The following C14orf39 variants were observed in gnomAD, a reference collection of about 807,000 sequenced individuals.
The protein encoded by C14orf39 is protein SIX6OS1.
Under a neutral mutation model 85.6 loss-of-function variants are expected in C14orf39, and 66 were observed. The ratio of observed to expected loss-of-function variants is 0.77; its 90% CI spans 0.63 to 0.95. C14orf39 has a LOEUF of 0.95. Among genes scored for constraint, C14orf39 ranks in the 40% least tolerant of loss-of-function variants. The pLI, the probability that C14orf39 is intolerant of heterozygous loss-of-function variation, is 0.00. For synonymous variants in C14orf39, 242 were observed against 214.0 expected, an observed-to-expected ratio of 1.13 and a Z score of -1.14; for missense variants, 735 against 663.9, an observed-to-expected ratio of 1.11 and a Z score of -1.18.
rs201931418 is a variant in C14orf39, at chr14:60,453,287, CT to C, written c.1503+1713del. Among the ~76,000 whole-genome samples, 189 of 152,042 alleles carry C rather than the reference CT, an allele frequency of 1.2e-3. 2 individuals carry two copies. In the East Asian group the frequency reaches 0.02, roughly 16 times the overall value. On this transcript the variant is annotated intron_variant, in intron 16 of 17. Transcript: ENST00000321731. The stretch of plus-strand genomic sequence containing the variant: ...CTGTTATATCTTCCTTATGAATTGA[CT>C]TTTTTATCTTTATGAAACGTCCCTC...
intron 14 of C14orf39, among the ~76,000 whole-genome samples, chr14:60,457,493 CATTG>C (rs1891333974): frequency 6.6e-6 from 1 of 151,960 alleles, no homozygotes; most frequent in Admixed American, 6.6e-5. Context: ...ATCTTGCTCT[CATTG>C]ATTAATTACA....
chr14:60,496,021 T>C (rs535386292), intron 2 of C14orf39: 57 of 591,190 alleles, frequency 9.6e-5, no homozygotes, highest in South Asian at 8.1e-4. Flanking sequence ...GAGCTAGTTG[T>C]GAAAGGGATT....
intron 1 of C14orf39, among the ~76,000 whole-genome samples, chr14:60,506,497 C>G (rs929054743): frequency 2.8e-4 from 43 of 152,320 alleles, no homozygotes; most frequent in African/African-American, 8.7e-4. Context: ...TGGAGCTTCC[C>G]TCTTTCCCAG....
intron 16 of C14orf39, 110 bp downstream of exon 16, chr14:60,454,891 A>T: frequency 1.2e-6 from 1 of 833,546 alleles, no homozygotes; most frequent in Non-Finnish European, 1.7e-6. Context: ...ATTTTTTTAA[A>T]TGCTTCTGTT....
rs537664975 is a variant in C14orf39 at position 60,441,873 on chromosome 14, C to T, written c.1561+201G>A. Among the ~76,000 whole-genome samples the T allele has an allele frequency of 3.3e-5, 5 of 151,878 alleles. No homozygotes were observed. In the South Asian group the frequency reaches 1.0e-3, roughly 32 times the overall value. Reference sequence around the variant, plus strand: ...GTTTGATAATTGGGAGGTCAATAACCTTGGAGAAAGTAAGTTTTAATAGAG... The same window carrying T: ...GTTTGATAATTGGGAGGTCAATAACTTTGGAGAAAGTAAGTTTTAATAGAG... On this transcript the variant is annotated intron_variant, in intron 17 of 17. Transcript: ENST00000321731.
intron 2 of C14orf39, among the ~76,000 whole-genome samples, chr14:60,493,024 G>C (rs982292512): frequency 2.0e-5 from 3 of 152,062 alleles, no homozygotes; most frequent in Non-Finnish European, 4.4e-5. Context: ...GTAGGCACTG[G>C]CAAACTGAAT....
intron 4 of C14orf39, among the ~76,000 whole-genome samples, chr14:60,481,009 G>C (rs1892612815): frequency 6.6e-6 from 1 of 152,124 alleles, no homozygotes; most frequent in South Asian, 2.1e-4. Context: ...CAAAGTTTAA[G>C]TTGGAGTGGA....
chr14:60,476,982 G>A (rs1892408186), intron 5 of C14orf39, among the ~76,000 whole-genome samples: 2 of 152,142 alleles, frequency 1.3e-5, no homozygotes, highest in Admixed American at 6.5e-5. Flanking sequence ...GGGATACATA[G>A]TATGAATTTC....
intron 1 of C14orf39, among the ~76,000 whole-genome samples, chr14:60,510,623 T>A (rs1468500161): frequency 6.6e-6 from 1 of 152,128 alleles, no homozygotes; most frequent in African/African-American, 2.4e-5. Flanking sequence ...ACAATCCTTT[T>A]TGCCTTTAGG....
intron 1 of C14orf39, among the ~76,000 whole-genome samples, chr14:60,501,939 C>T (rs1052747534): frequency 2.6e-5 from 4 of 152,160 alleles, no homozygotes; most frequent in African/African-American, 9.7e-5. Flanking sequence ...AACAGTCATT[C>T]ATAATCTCAT....
intron 1 of C14orf39, chr14:60,510,056 C>G (rs150617736): frequency 9.1e-6 from 11 of 1,202,754 alleles, no homozygotes; most frequent in African/African-American, 3.0e-5. Context: ...CAGTCCCTGG[C>G]GACTCCAATT....
chr14:60,496,107 G>A, intron 2 of C14orf39: 1 of 592,796 alleles, frequency 1.7e-6, no homozygotes, highest in Non-Finnish European at 3.1e-6. Flanking sequence ...ACTGAGCAAA[G>A]CCACAGCTGC....
intron 17 of C14orf39, among the ~76,000 whole-genome samples, chr14:60,439,349 T>C (rs1890400838): frequency 6.6e-6 from 1 of 152,044 alleles, no homozygotes; most frequent in African/African-American, 2.4e-5. Context: ...ATAGGTAAGC[T>C]GAAAAATGGA....
intron 5 of C14orf39, among the ~76,000 whole-genome samples, chr14:60,478,007 G>A (rs1892464776): frequency 2.0e-5 from 3 of 151,738 alleles, no homozygotes; most frequent in South Asian, 4.2e-4. Context: ...GTGAAACCCC[G>A]TCTCTACTAA....
chr14:60,479,452 T>G (rs561164334), intron 4 of C14orf39, among the ~76,000 whole-genome samples: 15 of 152,314 alleles, frequency 9.8e-5, no homozygotes, highest in Non-Finnish European at 1.8e-4. Context: ...TCTCGCTACC[T>G]GGGTGATGGG....
intron 16 of C14orf39, among the ~76,000 whole-genome samples, chr14:60,442,682 C>T (rs1890577118): frequency 6.6e-6 from 1 of 152,118 alleles, no homozygotes; most frequent in Non-Finnish European, 1.5e-5. Flanking sequence ...ATAGACAAAC[C>T]AGACAGTTTC....
intron 16 of C14orf39, among the ~76,000 whole-genome samples, chr14:60,444,101 C>A (rs2140027482): frequency 6.6e-6 from 1 of 152,258 alleles, no homozygotes; most frequent in Non-Finnish European, 1.5e-5. Context: ...GAAACCAGAG[C>A]AGAAAAGCTG....
intron 15 of C14orf39, among the ~76,000 whole-genome samples, chr14:60,455,377 G>C (rs935897245): frequency 6.6e-6 from 1 of 151,956 alleles, no homozygotes; most frequent in Non-Finnish European, 1.5e-5. Context: ...CTATGAAATA[G>C]GTACTATTAC....
At chr14:60,455,183 TTATTA>T (rs1451922169) in intron 15 of C14orf39, 38 bp from the exon 16 acceptor site, 1 of 1,424,026 alleles carries the variant, frequency 7.0e-7, no homozygotes, top group African/African-American at 1.5e-5. Flanking sequence ...TAAAAATCTA[TTATTA>T]AACACTGAAT....
Sources: allele counts gnomAD v4.1 joint callset (sites outside exome capture counted in the v4.1 genomes callset), GRCh38; gene constraint gnomAD v4.1.1; transcripts MANE v1.5; gene names NCBI Gene and HGNC (gene_info 2026-07-23, HGNC 2026-07-21).